The following COL21A1 variants were observed in gnomAD, a reference collection of about 807,000 sequenced individuals.
COL21A1 encodes the protein collagen type XXI alpha 1 chain.
A neutral mutation model predicts 137.9 loss-of-function variants in COL21A1; 149 were observed. That is an observed-to-expected ratio of 1.08 (90% CI 0.95 to 1.24). COL21A1 has a LOEUF of 1.24. Among genes scored for constraint, COL21A1 ranks in the 50% most tolerant of loss-of-function variants. The probability of loss-of-function intolerance (pLI) is 0.00; values close to 1 mark genes in which losing one functional copy is unlikely to be tolerated. For synonymous variants in COL21A1, 456 were observed against 391.5 expected, an observed-to-expected ratio of 1.16 and a Z score of -1.95; for missense variants, 1,167 against 1,158.4, an observed-to-expected ratio of 1.01 and a Z score of -0.11.
At chr6:56,252,245 A>G (rs1782870561), upstream of COL21A1, among the ~76,000 whole-genome samples, 2 of 152,222 alleles carry the variant, frequency 1.3e-5, no homozygotes, top group African/African-American at 4.8e-5. Context: ...CTACAGCTTA[A>G]CAAGCTTTTC....
chr6:56,243,287 A>G (rs1782454177), intron 1 of COL21A1, among the ~76,000 whole-genome samples: 1 of 152,166 alleles, frequency 6.6e-6, no homozygotes, highest in Non-Finnish European at 1.5e-5. Context: ...ATGTCCAGTC[A>G]AGTGGGTTAA....
At position 56,099,252 on chromosome 6, in the gene COL21A1, T is replaced by C. The variant is rs866523870; in HGVS notation, c.1812+2220A>G. On this transcript the variant is annotated intron_variant, in intron 17 of 29. Transcript: ENST00000244728. ...TTTTTTTTTTTTTTTTTTTTTTTTTTAGAGGGAGTTTAGCTCTGTCGCCCA... is the reference window on the plus strand; with the variant it reads ...TTTTTTTTTTTTTTTTTTTTTTTTTCAGAGGGAGTTTAGCTCTGTCGCCCA... Among the ~76,000 whole-genome samples, 454 of 127,796 alleles carry C rather than the reference T, an allele frequency of 3.6e-3. 5 individuals are homozygous for C. Among genetic ancestry groups the C allele is most frequent in the African/African-American group, 0.013 (430 of 32,012 alleles). 83.8% of individuals were successfully genotyped at this position (127,796 alleles called of 152,430 possible). A position where few individuals can be genotyped will look rare whatever the true frequency, so the allele number is the denominator to read the frequency against.
intron 1 of COL21A1, among the ~76,000 whole-genome samples, chr6:56,195,633 T>C (rs1778971144): frequency 6.6e-6 from 1 of 152,014 alleles, no homozygotes; most frequent in Non-Finnish European, 1.5e-5. Flanking sequence ...ACAAACTGCA[T>C]AACATAAATA....
chr6:56,152,974 T>G (rs1161240349), intron 10 of COL21A1, among the ~76,000 whole-genome samples: 1 of 152,034 alleles, frequency 6.6e-6, no homozygotes, highest in Non-Finnish European at 1.5e-5. Context: ...GCTCACCCAG[T>G]GTAATTAGGG....
chr6:56,245,488 A>G (rs1389215522), intron 1 of COL21A1, among the ~76,000 whole-genome samples: 2 of 152,166 alleles, frequency 1.3e-5, no homozygotes, highest in Non-Finnish European at 2.9e-5. Flanking sequence ...ATCAACATAG[A>G]TCTTCTTTTA....
intron 1 of COL21A1, among the ~76,000 whole-genome samples, chr6:56,371,764 C>T (rs1247497948): frequency 6.6e-6 from 1 of 152,200 alleles, no homozygotes; most frequent in Non-Finnish European, 1.5e-5. Context: ...AGACCTTAGA[C>T]TTTCCATTCA....
chr6:56,117,575 G>T (rs182805974), intron 16 of COL21A1, among the ~76,000 whole-genome samples: 1 of 152,066 alleles, frequency 6.6e-6, no homozygotes, highest in African/African-American at 2.4e-5. Flanking sequence ...CTGCACTACA[G>T]ACCAAACGAA....
chr6:56,101,588 C>T, intron 16 of COL21A1, 63 bp from the exon 17 acceptor site: 1 of 1,086,898 alleles, frequency 9.2e-7, no homozygotes, highest in Non-Finnish European at 1.4e-6. Flanking sequence ...ACCAAAATAA[C>T]AATATATAAC....
chr6:56,140,426 A>T (rs73461348), intron 12 of COL21A1, among the ~76,000 whole-genome samples: 2,181 of 152,290 alleles, frequency 0.014, 46 homozygotes, highest in African/African-American at 0.048. Context: ...TTCCTACTGT[A>T]GGAGTCTTTG....
At chr6:56,229,412 C>T (rs986874726) in intron 1 of COL21A1, among the ~76,000 whole-genome samples, 9 of 151,842 alleles carry the variant, frequency 5.9e-5, no homozygotes, top group African/African-American at 2.2e-4. Flanking sequence ...AAATAATAAA[C>T]ATATTTTTAA....
chr6:56,134,703 T>C (rs952902517), intron 12 of COL21A1, among the ~76,000 whole-genome samples: 4 of 152,230 alleles, frequency 2.6e-5, no homozygotes, highest in Non-Finnish European at 5.9e-5. Flanking sequence ...GGGGTGGGTC[T>C]TTCCTGTGCT....
At chr6:56,078,402 G>C (rs1441585518) in intron 17 of COL21A1, among the ~76,000 whole-genome samples, 1 of 151,502 alleles carries the variant, frequency 6.6e-6, no homozygotes, top group Admixed American at 6.6e-5. Flanking sequence ...AGCTGAAACA[G>C]TTAACAACAT....
chr6:56,070,838 AT>A (rs1205904191), intron 20 of COL21A1, 40 bp from the exon 21 acceptor site: 4 of 1,452,308 alleles, frequency 2.8e-6, no homozygotes, highest in Non-Finnish European at 3.8e-6. Flanking sequence ...TTTAAAAACA[AT>A]TCTGTCATAA....
At chr6:56,367,177 T>C (rs1481403504) in intron 1 of COL21A1, among the ~76,000 whole-genome samples, 2 of 152,224 alleles carry the variant, frequency 1.3e-5, no homozygotes, top group African/African-American at 4.8e-5. Flanking sequence ...ATTCACTGAT[T>C]ACTGTTCATA....
intron 16 of COL21A1, among the ~76,000 whole-genome samples, chr6:56,105,614 C>T (rs1272929466): frequency 3.9e-5 from 6 of 151,986 alleles, no homozygotes; most frequent in Non-Finnish European, 2.9e-5. Context: ...GATTTCCAAC[C>T]AGTTGGTGAG....
At chr6:56,103,834 CCAGAGTTCCTG>C (rs1770654548) in intron 16 of COL21A1, among the ~76,000 whole-genome samples, 1 of 152,118 alleles carries the variant, frequency 6.6e-6, no homozygotes, top group Admixed American at 6.6e-5. Context: ...GGACCCCAAC[CCAGAGTTCCTG>C]ATATGGTAGG....
At chr6:56,125,666 T>A (rs773486723) in intron 13 of COL21A1, 46 bp from the exon 14 acceptor site, 2 of 1,241,822 alleles carry the variant, frequency 1.6e-6, no homozygotes, top group Admixed American at 2.5e-5. Flanking sequence ...AATATGAATA[T>A]TTTTCTTATA....
At chr6:56,191,151 G>A (rs1468950569) in intron 1 of COL21A1, among the ~76,000 whole-genome samples, 1 of 152,164 alleles carries the variant, frequency 6.6e-6, no homozygotes, top group Non-Finnish European at 1.5e-5. Context: ...AATAGGAAGA[G>A]AGGAAGTCGA....
intron 1 of COL21A1, among the ~76,000 whole-genome samples, chr6:56,186,342 G>A (rs1582590591): frequency 6.6e-6 from 1 of 152,116 alleles, no homozygotes; most frequent in African/African-American, 2.4e-5. Flanking sequence ...CTAAGAGTAG[G>A]ACTTAACCTA....
Sources: gnomAD v4.1 joint callset for allele counts (sites outside exome capture counted in the v4.1 genomes callset) on GRCh38, gnomAD v4.1.1 for gene constraint, MANE v1.5 for transcripts, NCBI Gene and HGNC (gene_info 2026-07-23, HGNC 2026-07-21) for gene names.